USP40: variants seen among roughly 807,000 people sequenced by gnomAD.
The protein encoded by USP40 is ubiquitin carboxyl-terminal hydrolase 40.
A neutral mutation model predicts 166.2 loss-of-function variants in USP40; 143 were observed. The ratio of observed to expected loss-of-function variants is 0.86; its 90% CI spans 0.75 to 0.99. USP40 has a LOEUF of 0.99. Ranked by LOEUF, USP40 falls within the 50% of genes least tolerant of loss-of-function variation. USP40 has a pLI of 0.00. For missense variants in USP40, 1,444 were observed against 1,479.7 expected, an observed-to-expected ratio of 0.98 and a Z score of 0.40; for synonymous variants, 498 against 524.0, an observed-to-expected ratio of 0.95 and a Z score of 0.68.
intron 19 of USP40, 145 bp downstream of exon 19, chr2:233,512,424 T>C (rs1371857988): frequency 4.8e-6 from 2 of 415,496 alleles, no homozygotes; most frequent in African/African-American, 2.1e-5. Context: ...TTCTGCAATA[T>C]AAAGGTAAGA....
At chr2:233,505,167 C>T (rs141040623) in intron 21 of USP40, among the ~76,000 whole-genome samples, 11 of 151,912 alleles carry the variant, frequency 7.2e-5, no homozygotes, top group Non-Finnish European at 1.5e-4. Flanking sequence ...CATATTATAC[C>T]AAAACCCATG....
intron 27 of USP40, 44 bp downstream of exon 27, chr2:233,489,316 GTGCGT>G: frequency 1.3e-6 from 2 of 1,494,352 alleles, no homozygotes; most frequent in Non-Finnish European, 1.8e-6. Context: ...ACACCAGCCA[GTGCGT>G]CAGCAGCAGA....
chr2:233,556,774 G>A (rs1047205444), intron 5 of USP40, 81 bp downstream of exon 5: 1 of 1,291,520 alleles, frequency 7.7e-7, no homozygotes, highest in Non-Finnish European at 1.0e-6. Context: ...TTTAATCCTT[G>A]TGTGGTATAT....
At chr2:233,522,700 G>A (rs917133786) in intron 16 of USP40, among the ~76,000 whole-genome samples, 3 of 152,172 alleles carry the variant, frequency 2.0e-5, no homozygotes, top group Non-Finnish European at 4.4e-5. Flanking sequence ...TTGGGCAACT[G>A]GGTTCTCAAG....
intron 24 of USP40, among the ~76,000 whole-genome samples, chr2:233,496,111 A>C (rs1023468965): frequency 6.6e-6 from 1 of 152,198 alleles, no homozygotes; most frequent in African/African-American, 2.4e-5. Context: ...TCTGCTTTTC[A>C]TTTCAAGCTT....
chr2:233,506,950 A>G (rs1015102575), intron 21 of USP40, among the ~76,000 whole-genome samples: 4 of 152,020 alleles, frequency 2.6e-5, no homozygotes, highest in African/African-American at 7.2e-5. Context: ...GGAATATATT[A>G]TATAAGGAAC....
chr2:233,532,293 T>C (rs2068598653), intron 11 of USP40, among the ~76,000 whole-genome samples: 1 of 152,320 alleles, frequency 6.6e-6, no homozygotes, highest in Middle Eastern at 3.4e-3. Context: ...TGTAACGTTG[T>C]AACTTCAACC....
At chr2:233,557,155 A>G in intron 4 of USP40, 136 bp from the exon 5 acceptor site, 1 of 742,746 alleles carries the variant, frequency 1.3e-6, no homozygotes, top group Non-Finnish European at 2.2e-6. Flanking sequence ...ACTCAGCAAA[A>G]CAAGCTGAGC....
Position 233,542,250 on chromosome 2 carries a change from T to C in USP40, c.1062+18A>G, listed in dbSNP as rs137950144. ...AATACATACCATACATACAAATACA[T>C]ACACACACATACTATACCTCTAATA... On this transcript the variant is annotated intron_variant, in intron 9 of 31. Coordinates refer to ENST00000678225, the MANE Select transcript of USP40 (RefSeq NM_001365479.2). The C allele has an allele frequency of 6.7e-5, 95 of 1,411,984 alleles. 1 individual carries two copies. In the East Asian group the frequency reaches 2.2e-3, roughly 33 times the overall value. The allele number at this position is 1,411,984 out of a possible 1,614,324, so 87.5% of individuals were successfully genotyped here.
At position 233,556,997 on chromosome 2, in the gene USP40, T is replaced by C. The variant is rs767839630; in HGVS notation, c.404A>G (p.Gln135Arg). The change falls in exon 5 of 32, where the codon CAG becomes CGG. Residue 135 changes from glutamine to arginine, a missense_variant. Gln to Arg is a conservative substitution (Grantham distance 43). Coordinates refer to ENST00000678225, the MANE Select transcript of USP40 (RefSeq NM_001365479.2). Reference sequence around the variant, plus strand: ...GCTGAAGAGGATTCGATTCAGTTCCTGCACATCATGTTGCCTCATTTCCTA... The same window carrying C: ...GCTGAAGAGGATTCGATTCAGTTCCCGCACATCATGTTGCCTCATTTCCTA... ...SNEEMRQHDV[Q>R]ELNRILFSAL... 6.2e-7 allele frequency: 1 copy of C among 1,612,946 alleles called. No homozygotes were observed. Among genetic ancestry groups the C allele is most frequent in the Non-Finnish European group, 8.5e-7 (1 of 1,179,632 alleles).
In USP40 at chr2:233,556,873, C is replaced by G. The variant is rs2071146025; in HGVS notation, c.528G>C (p.Lys176Asn). 2 of 1,611,244 alleles carry G rather than the reference C, an allele frequency of 1.2e-6. No individual in the cohort carries two copies. The highest frequency in any genetic ancestry group is 2.2e-5 in the South Asian group (2 of 89,964). ...TATTTACCTGCCTCTCGCTAACGTT[C>G]TTACATTCTTTACAAACAATCTGGT... The part of the protein sequence containing the change: ...IVNQIVCKEC[K>N]NVSERQEDFL... Residue 176 changes from lysine to asparagine, a missense_variant, in exon 5 of 32, where the codon AAG (lysine) becomes AAC (asparagine). Transcript: ENST00000678225.
intron 28 of USP40, 147 bp downstream of exon 28, chr2:233,488,092 T>G (rs2065063895): frequency 1.3e-6 from 1 of 748,184 alleles, no homozygotes; most frequent in Non-Finnish European, 2.4e-6. Flanking sequence ...CATACAAACA[T>G]ATTTCTAGCA....
chr2:233,558,436 G>C (rs2071290709), intron 4 of USP40, among the ~76,000 whole-genome samples: 1 of 151,536 alleles, frequency 6.6e-6, no homozygotes, highest in Admixed American at 6.6e-5. Context: ...CAATAAAATG[G>C]AATGAAGTAT....
At chr2:233,552,727 C>G (rs796257785) in intron 6 of USP40, among the ~76,000 whole-genome samples, 2 of 152,290 alleles carry the variant, frequency 1.3e-5, no homozygotes, top group African/African-American at 4.8e-5. Context: ...AAAATTCAAT[C>G]TTCCCGTGAA....
chr2:233,478,395 T>C (rs1195901499), intron 31 of USP40, among the ~76,000 whole-genome samples: 1 of 152,212 alleles, frequency 6.6e-6, no homozygotes, highest in Non-Finnish European at 1.5e-5. Flanking sequence ...TCGGAGTAGC[T>C]TGAATTTACA....
At chr2:233,514,735 A>G (rs146419209) in intron 18 of USP40, among the ~76,000 whole-genome samples, 111 of 152,366 alleles carry the variant, frequency 7.3e-4, no homozygotes, top group African/African-American at 2.4e-3. Flanking sequence ...CTATGCATTT[A>G]ATAAACCAAT....
intron 1 of USP40, among the ~76,000 whole-genome samples, chr2:233,566,122 C>A (rs961599743): frequency 6.8e-6 from 1 of 147,396 alleles, no homozygotes; most frequent in Non-Finnish European, 1.5e-5. Flanking sequence ...AGTACAGTCC[C>A]GAAGCTGTTG....
intron 5 of USP40, 163 bp downstream of exon 5, chr2:233,556,692 G>T: frequency 1.8e-6 from 1 of 540,614 alleles, no homozygotes; most frequent in Non-Finnish European, 2.9e-6. Context: ...GAGAAATCTG[G>T]ATTATAGGCT....
At chr2:233,484,703 G>C (rs188483870) in intron 30 of USP40, among the ~76,000 whole-genome samples, 1 of 151,928 alleles carries the variant, frequency 6.6e-6, no homozygotes, top group African/African-American at 2.4e-5. Context: ...GGCTGGTCTC[G>C]AACTCCTGGG....
Sources: allele counts gnomAD v4.1 joint callset (sites outside exome capture counted in the v4.1 genomes callset), GRCh38; gene constraint gnomAD v4.1.1; transcripts MANE v1.5; gene names NCBI Gene and HGNC (gene_info 2026-07-23, HGNC 2026-07-21).